Variants in AUTS2 observed in about 807,000 individuals in gnomAD.
AUTS2 encodes the protein activator of transcription and developmental regulator AUTS2.
Under a neutral mutation model 112.4 loss-of-function variants are expected in AUTS2, and 17 were observed. The observed-to-expected ratio is 0.15, with a 90% CI of 0.10 to 0.23. The LOEUF is 0.23. Ranked by LOEUF, AUTS2 falls within the 10% of genes least tolerant of loss-of-function variation. AUTS2 has a pLI of 1.00. For missense variants in AUTS2, 1,510 were observed against 1,701.6 expected (o/e 0.89, Z 1.98); for synonymous variants, 751 against 702.7 (o/e 1.07, Z -1.09).
chr7:70,615,278 T>G (rs1804296306), intron 5 of AUTS2, among the ~76,000 whole-genome samples: 1 of 152,038 alleles, frequency 6.6e-6, no homozygotes, highest in African/African-American at 2.4e-5. Context: ...GTCCTGGATG[T>G]GTGTGTACTT....
At chr7:69,784,180 C>T (rs1002421316) in intron 1 of AUTS2, among the ~76,000 whole-genome samples, 1 of 152,256 alleles carries the variant, frequency 6.6e-6, no homozygotes, top group Non-Finnish European at 1.5e-5. Context: ...CAGGCTATTG[C>T]AGAAAAGATT....
At chr7:70,271,260 A>G (rs1787679649) in intron 4 of AUTS2, among the ~76,000 whole-genome samples, 1 of 151,926 alleles carries the variant, frequency 6.6e-6, no homozygotes, top group Admixed American at 6.6e-5. Flanking sequence ...AAAATCTCAC[A>G]CTCTTTTCTT....
intron 4 of AUTS2, among the ~76,000 whole-genome samples, chr7:70,339,180 T>A (rs1267941015): frequency 6.6e-6 from 1 of 152,236 alleles, no homozygotes; most frequent in South Asian, 2.1e-4. Context: ...ATCTCTTTTT[T>A]TCTTGGTTTT....
intron 1 of AUTS2, among the ~76,000 whole-genome samples, chr7:69,647,579 C>T (rs1795081148): frequency 1.3e-5 from 2 of 152,150 alleles, no homozygotes; most frequent in Admixed American, 1.3e-4. Flanking sequence ...TGGTCTTGAA[C>T]TCCTGGGCTC....
chr7:70,616,988 CT>C (rs1380691457), intron 5 of AUTS2, among the ~76,000 whole-genome samples: 19 of 152,236 alleles, frequency 1.2e-4, no homozygotes, highest in Admixed American at 1.2e-3. Flanking sequence ...CTATGTATCA[CT>C]TAGGAGTGCT....
chr7:70,456,948 C>T (rs960142698), intron 5 of AUTS2, among the ~76,000 whole-genome samples: 5 of 152,178 alleles, frequency 3.3e-5, no homozygotes, highest in Admixed American at 1.3e-4. Context: ...CAGCGGCTGC[C>T]GGAGAAGCCT....
intron 1 of AUTS2, among the ~76,000 whole-genome samples, chr7:69,618,502 G>A (rs1231003954): frequency 6.6e-6 from 1 of 152,174 alleles, no homozygotes; most frequent in African/African-American, 2.4e-5. Flanking sequence ...TTTCAAGTCA[G>A]CGGACCCAGT....
intron 2 of AUTS2, among the ~76,000 whole-genome samples, chr7:69,940,558 C>T (rs532983053): frequency 7.9e-4 from 121 of 152,228 alleles, no homozygotes; most frequent in African/African-American, 2.7e-3. Flanking sequence ...TGAAGTCCTC[C>T]GTAGGTCCCA....
intron 4 of AUTS2, among the ~76,000 whole-genome samples, chr7:70,299,972 A>G (rs1789131164): frequency 6.6e-6 from 1 of 152,204 alleles, no homozygotes; most frequent in Non-Finnish European, 1.5e-5. Flanking sequence ...GGATCCAAAG[A>G]ATTTTATGAT....
At chr7:70,006,655 C>A (rs1008112625) in intron 2 of AUTS2, among the ~76,000 whole-genome samples, 24 of 152,260 alleles carry the variant, frequency 1.6e-4, no homozygotes, top group African/African-American at 5.3e-4. Context: ...CGCCCAACTT[C>A]CCCAGTTCTA....
chr7:70,654,253 A>G (rs1223472316), intron 5 of AUTS2, among the ~76,000 whole-genome samples: 1 of 152,236 alleles, frequency 6.6e-6, no homozygotes, highest in Non-Finnish European at 1.5e-5. Context: ...AGGGGTCAGC[A>G]AACTTTTACA....
chr7:70,459,249 A>G (rs1455477172), intron 5 of AUTS2, among the ~76,000 whole-genome samples: 2 of 152,148 alleles, frequency 1.3e-5, no homozygotes, highest in Non-Finnish European at 2.9e-5. Context: ...CTTTCTGCAT[A>G]GCATTTAGTG....
intron 16 of AUTS2, chr7:70,785,472 G>C (rs763473058): frequency 2.1e-6 from 1 of 470,018 alleles, no homozygotes; most frequent in Non-Finnish European, 4.2e-6. Flanking sequence ...TCCTAATAAA[G>C]GTGCATGCTT....
Position 70,411,066 on chromosome 7 carries a change from T to C in AUTS2, c.661-24686T>C, listed in dbSNP as rs1480802417. Reference sequence around the variant, plus strand: ...TTTTAGTAGAAATGGGGTTTCACCATGTTGGGCAGGCTGGTCTCGAACTCC... The same window carrying C: ...TTTTAGTAGAAATGGGGTTTCACCACGTTGGGCAGGCTGGTCTCGAACTCC... On this transcript the variant is annotated intron_variant, in intron 4 of 18. Transcript: ENST00000342771. Among the ~76,000 whole-genome samples the C allele has an allele frequency of 2.6e-5, 4 of 152,200 alleles. No homozygotes were observed. The East Asian group carries it at 7.8e-4, about 29-fold the overall frequency.
chr7:69,656,453 T>C (rs1367999976), intron 1 of AUTS2, among the ~76,000 whole-genome samples: 2 of 152,248 alleles, frequency 1.3e-5, no homozygotes, highest in African/African-American at 4.8e-5. Context: ...TTGTTTAATT[T>C]GCTTACTTTT....
At chr7:70,602,103 T>A (rs1191049622) in intron 5 of AUTS2, among the ~76,000 whole-genome samples, 1 of 152,160 alleles carries the variant, frequency 6.6e-6, no homozygotes, top group East Asian at 1.9e-4. Context: ...CCCAGGCAGC[T>A]TCTCTTTATG....
At chr7:70,112,817 C>T (rs1368924766) in intron 2 of AUTS2, among the ~76,000 whole-genome samples, 2 of 151,824 alleles carry the variant, frequency 1.3e-5, no homozygotes, top group African/African-American at 4.8e-5. Context: ...CTGTCTTACC[C>T]AACACAAACC....
chr7:70,739,131 A>G (rs565716594), intron 6 of AUTS2, among the ~76,000 whole-genome samples: 1 of 146,638 alleles, frequency 6.8e-6, no homozygotes, highest in African/African-American at 2.5e-5. Context: ...GGTTCAAACA[A>G]TCCTCCTGCT....
At chr7:70,457,191 A>G (rs554704524) in intron 5 of AUTS2, among the ~76,000 whole-genome samples, 118 of 152,284 alleles carry the variant, frequency 7.7e-4, no homozygotes, top group African/African-American at 2.7e-3. Context: ...TGGAAACTAC[A>G]ATAACTGACC....
Sources: gnomAD v4.1 joint callset for allele counts (sites outside exome capture counted in the v4.1 genomes callset) on GRCh38, gnomAD v4.1.1 for gene constraint, MANE v1.5 for transcripts, NCBI Gene and HGNC (gene_info 2026-07-23, HGNC 2026-07-21) for gene names.